The following MACO1 variants were observed in gnomAD, a reference collection of about 807,000 sequenced individuals.
MACO1 encodes the protein macoilin.
A neutral mutation model predicts 78.7 loss-of-function variants in MACO1; 14 were observed. The ratio of observed to expected loss-of-function variants is 0.18; its 90% CI spans 0.12 to 0.28. The LOEUF is 0.28. MACO1 is among the 10% of genes least tolerant of loss of function. The probability of loss-of-function intolerance (pLI) is 1.00; values close to 1 mark genes in which losing one functional copy is unlikely to be tolerated. For missense variants in MACO1, 501 were observed against 799.0 expected (o/e 0.63, Z 4.50); for synonymous variants, 288 against 291.6 (o/e 0.99, Z 0.12).
chr1:25,453,415 G>A (rs1200983677), intron 3 of MACO1, among the ~76,000 whole-genome samples: 1 of 151,138 alleles, frequency 6.6e-6, no homozygotes. Context: ...TGTAATCCCA[G>A]CACTTTGGGA....
intron 6 of MACO1, among the ~76,000 whole-genome samples, chr1:25,470,564 A>G (rs1176584812): frequency 6.6e-6 from 1 of 152,200 alleles, no homozygotes; most frequent in Non-Finnish European, 1.5e-5. Flanking sequence ...CAAGGCCCTG[A>G]TGAGTCCTTA....
chr1:25,452,001 A>T (rs1346915501), intron 3 of MACO1, among the ~76,000 whole-genome samples: 1 of 151,792 alleles, frequency 6.6e-6, no homozygotes, highest in Non-Finnish European at 1.5e-5. Flanking sequence ...TGTTAAATTC[A>T]TAAGAGTGGT....
chr1:25,464,998 A>G (rs572926918), intron 6 of MACO1, among the ~76,000 whole-genome samples: 51 of 149,004 alleles, frequency 3.4e-4, no homozygotes, highest in African/African-American at 1.2e-3. Flanking sequence ...TTTAATATAG[A>G]GACAGGAACT....
At chr1:25,486,330 C>T (rs1222756444) in intron 8 of MACO1, among the ~76,000 whole-genome samples, 1 of 152,070 alleles carries the variant, frequency 6.6e-6, no homozygotes, top group Non-Finnish European at 1.5e-5. Flanking sequence ...GATGGAATTA[C>T]ATTTATGGCA....
At chr1:25,474,554 A>G (rs1285010879) in intron 6 of MACO1, among the ~76,000 whole-genome samples, 1 of 152,126 alleles carries the variant, frequency 6.6e-6, no homozygotes, top group Non-Finnish European at 1.5e-5. Flanking sequence ...AGAGTGAAAC[A>G]CCACTCCCTT....
chr1:25,443,683 A>C (rs1319486928), intron 1 of MACO1, among the ~76,000 whole-genome samples: 1 of 152,236 alleles, frequency 6.6e-6, no homozygotes, highest in African/African-American at 2.4e-5. Flanking sequence ...ACAGGCTACC[A>C]TTCTTTGGAT....
At chr1:25,431,380 C>T (rs1418305085) in intron 1 of MACO1, among the ~76,000 whole-genome samples, 1 of 146,546 alleles carries the variant, frequency 6.8e-6, no homozygotes. Flanking sequence ...TCGGCCCGGC[C>T]GGGCGGGCAG....
At chr1:25,497,624 G>A (rs1480280999) in intron 10 of MACO1, among the ~76,000 whole-genome samples, 5 of 152,176 alleles carry the variant, frequency 3.3e-5, no homozygotes, top group Non-Finnish European at 7.3e-5. Context: ...TAAAGCAAGG[G>A]CAAGTGATGT....
intron 6 of MACO1, among the ~76,000 whole-genome samples, chr1:25,464,558 T>G (rs2043199610): frequency 6.6e-6 from 1 of 151,950 alleles, no homozygotes; most frequent in Non-Finnish European, 1.5e-5. Context: ...TTGGCCAGGC[T>G]GGTCTTGAAC....
chr1:25,462,083 T>C (rs934893773), intron 6 of MACO1, among the ~76,000 whole-genome samples: 85 of 152,296 alleles, frequency 5.6e-4, no homozygotes, highest in African/African-American at 2.0e-3. Flanking sequence ...AAACCTGACA[T>C]GTTTGAGTTG....
At position 25,499,178 on chromosome 1, in the gene MACO1, GA is replaced by G. The variant is rs2043564076; in HGVS notation, c.*713del. 1 of 152,364 alleles carries G rather than the reference GA, an allele frequency of 6.6e-6. No individual in the cohort carries two copies. Among genetic ancestry groups the G allele is most frequent in the Admixed American group, 6.5e-5 (1 of 15,308 alleles). The allele number at this position is 152,364 out of a possible 1,614,324, so 9.4% of individuals were successfully genotyped here. A position where few individuals can be genotyped will look rare whatever the true frequency, so the allele number is the denominator to read the frequency against. On this transcript the variant is annotated 3_prime_UTR_variant, in exon 11 of 11. Transcript: ENST00000374343. ...AGTGCCTTGGGAAAAGACATTTCAA[GA>G]GGAAACTTGATAATTTTAAACTCTT...
Position 25,485,504 on chromosome 1 carries a change from T to A in MACO1, c.1314-109T>A. Reference sequence around the variant, plus strand: ...GGGCATTGACATTTTTGATTTGCTGTTCAAACCTCCTGTTTAATTGGCCTT... The same window carrying A: ...GGGCATTGACATTTTTGATTTGCTGATCAAACCTCCTGTTTAATTGGCCTT... On this transcript the variant is annotated intron_variant, in intron 7 of 10. Transcript: ENST00000374343. This position sits in a 1 kb window ranked among gnomAD's most constrained non-coding sequence, Gnocchi z 4.3. 8.5e-7 allele frequency: 1 copy of A among 1,174,334 alleles called. No homozygotes were observed. The allele number at this position is 1,174,334 out of a possible 1,614,324, so 72.7% of individuals were successfully genotyped here.
At chr1:25,434,330 C>T (rs1467316645) in intron 1 of MACO1, among the ~76,000 whole-genome samples, 3 of 152,088 alleles carry the variant, frequency 2.0e-5, no homozygotes, top group Non-Finnish European at 4.4e-5. Flanking sequence ...CTGACAGAGT[C>T]GACATTCAGT....
chr1:25,443,143 A>G (rs1214199969), intron 1 of MACO1, among the ~76,000 whole-genome samples: 2 of 152,212 alleles, frequency 1.3e-5, no homozygotes, highest in South Asian at 2.1e-4. Flanking sequence ...TGACCTTCAG[A>G]ATATGAAAGG....
chr1:25,440,523 CTT>C (rs1244626391), intron 1 of MACO1, among the ~76,000 whole-genome samples: 1 of 151,926 alleles, frequency 6.6e-6, no homozygotes, highest in Admixed American at 6.6e-5. Flanking sequence ...AATCCCAGCA[CTT>C]TGTGAGGCCA....
At chr1:25,439,864 A>G (rs1447909190) in intron 1 of MACO1, among the ~76,000 whole-genome samples, 1 of 151,842 alleles carries the variant, frequency 6.6e-6, no homozygotes, top group Admixed American at 6.6e-5. Flanking sequence ...ACTAAAAATG[A>G]AAAATTAGCT....
At chr1:25,487,893 G>T (rs965744326) in intron 8 of MACO1, among the ~76,000 whole-genome samples, 1 of 152,124 alleles carries the variant, frequency 6.6e-6, no homozygotes, top group Non-Finnish European at 1.5e-5. Flanking sequence ...AGACCTAAAA[G>T]CTAGGTAACC....
chr1:25,471,352 A>AG (rs1557669813), intron 6 of MACO1, among the ~76,000 whole-genome samples: 1 of 151,968 alleles, frequency 6.6e-6, no homozygotes, highest in African/African-American at 2.4e-5. Flanking sequence ...AAAAAAAAAA[A>AG]AAAGAAAGAA....
chr1:25,483,020 G>A (rs901427192), intron 6 of MACO1, among the ~76,000 whole-genome samples: 1 of 152,080 alleles, frequency 6.6e-6, no homozygotes, highest in Admixed American at 6.6e-5. Flanking sequence ...TTCCCATGAA[G>A]AAAGAGACTT....
Sources: allele counts gnomAD v4.1 joint callset (sites outside exome capture counted in the v4.1 genomes callset), GRCh38; gene constraint gnomAD v4.1.1; non-coding constraint Gnocchi (gnomAD v3.1); transcripts MANE v1.5; gene names NCBI Gene and HGNC (gene_info 2026-07-23, HGNC 2026-07-21).